The following KIF1B variants were observed in gnomAD, a reference collection of about 807,000 sequenced individuals.
KIF1B encodes the protein kinesin-like protein KIF1B.
A neutral mutation model predicts 241.9 loss-of-function variants in KIF1B; 76 were observed. That is an observed-to-expected ratio of 0.31 (90% confidence interval 0.26 to 0.38). The LOEUF (loss-of-function observed/expected upper bound fraction) is 0.38, where lower values mean the gene tolerates loss of function less well. Among genes scored for constraint, KIF1B ranks in the 10% least tolerant of loss-of-function variants. KIF1B has a pLI of 1.00. For synonymous variants in KIF1B, 750 were observed against 796.7 expected (o/e 0.94, Z 0.99); for missense variants, 1,622 against 2,271.4 (o/e 0.71, Z 5.81).
Position 10,376,574 on chromosome 1 carries a change from A to G in KIF1B, c.5438A>G (p.Gln1813Arg). Residue 1813 changes from glutamine (Q) to arginine (R), a missense_variant, in exon 49 of 49, where the codon CAG (glutamine) becomes CGG (arginine). Around this residue, in one of 7 missense-constraint regions of KIF1B, gnomAD observed 357 missense variants for 409.0 expected, o/e 0.87. Coordinates refer to ENST00000676179, the MANE Select transcript of KIF1B (RefSeq NM_001365951.3). ...RSKLSRRCPS[Q>R]SKY ...AAGCTTTCCCGCAGATGCCCGAGCC[A>G]GTCGAAATACTAAGTGACTCTGCCG... 2 of 1,614,046 alleles carry G rather than the reference A, an allele frequency of 1.2e-6. No individual in the cohort carries two copies. The highest frequency in any genetic ancestry group is 1.7e-6 in the Non-Finnish European group (2 of 1,179,914).
intron 22 of KIF1B, among the ~76,000 whole-genome samples, chr1:10,314,212 T>C (rs1416893973): frequency 6.6e-6 from 1 of 151,314 alleles, no homozygotes; most frequent in African/African-American, 2.5e-5. Context: ...GTGCCTTCCG[T>C]AATTAGTTTT....
At chr1:10,271,616 A>G in intron 8 of KIF1B, 37 bp downstream of exon 8, 3 of 1,308,996 alleles carry the variant, frequency 2.3e-6, no homozygotes, top group Non-Finnish European at 3.3e-6. Flanking sequence ...TGATCAATAA[A>G]TGGCCACTAC....
rs764273512 is a variant in KIF1B at position 10,334,660 on chromosome 1, T to C, written c.3043+22T>C. 2.6e-6 allele frequency: 4 copies of C among 1,549,448 alleles called. No homozygotes were observed. The Admixed American group carries it at 6.7e-5, about 26-fold the overall frequency. ...GCAGGTAGGTGACCCTCTTCTGAAA[T>C]GAGAGCTGTGAGTTCTTTGTCTAGA... On this transcript the variant is annotated intron_variant, in intron 28 of 48. Transcript: ENST00000676179.
At chr1:10,352,438 A>G (rs558394668) in intron 37 of KIF1B, among the ~76,000 whole-genome samples, 193 bp from the exon 38 acceptor site, 10 of 152,238 alleles carry the variant, frequency 6.6e-5, no homozygotes, top group African/African-American at 2.4e-4. Context: ...TTGAATAAAG[A>G]ATCAATATGG....
chr1:10,215,746 A>C (rs1646760166), intron 1 of KIF1B, among the ~76,000 whole-genome samples: 1 of 151,670 alleles, frequency 6.6e-6, no homozygotes, highest in Non-Finnish European at 1.5e-5. Context: ...AGGTCTCACT[A>C]TATTGCCTAT....
intron 27 of KIF1B, among the ~76,000 whole-genome samples, chr1:10,332,221 G>A (rs887140719): frequency 2.0e-5 from 3 of 151,034 alleles, no homozygotes; most frequent in Non-Finnish European, 2.9e-5. Context: ...GCCTGCCACC[G>A]TGCCTGGCTA....
At chr1:10,227,322 C>T (rs564563293) in intron 1 of KIF1B, among the ~76,000 whole-genome samples, 85 of 152,228 alleles carry the variant, frequency 5.6e-4, no homozygotes, top group African/African-American at 1.6e-3. Context: ...CGTGAGCCAC[C>T]GTGCCTGGCC....
In KIF1B at chr1:10,303,626, C is replaced by G. The variant is rs1368994899; in HGVS notation, c.2115+6380C>G. On this transcript the variant is annotated intron_variant, in intron 22 of 48. Coordinates refer to ENST00000676179, the MANE Select transcript of KIF1B (RefSeq NM_001365951.3). This position sits in a 1 kb window ranked among gnomAD's most constrained non-coding sequence, Gnocchi z 5.2. ...GTCATGGCCACTGGGAAAGGCAGCA[C>G]TGATGTAGATGACCTCAAGGTTCAT... 6.2e-7 allele frequency: 1 copy of G among 1,614,110 alleles called. No individual in the cohort carries two copies. Among genetic ancestry groups the G allele is most frequent in the East Asian group, 2.2e-5 (1 of 44,884 alleles).
intron 6 of KIF1B, 36 bp from the exon 7 acceptor site, chr1:10,268,116 T>C (rs1313605016): frequency 2.9e-6 from 4 of 1,398,324 alleles, no homozygotes; most frequent in Non-Finnish European, 4.0e-6. Flanking sequence ...CATCTAAGAA[T>C]TCCCTTGTCA....
At chr1:10,253,047 G>A (rs1647556678) in intron 2 of KIF1B, among the ~76,000 whole-genome samples, 3 of 152,084 alleles carry the variant, frequency 2.0e-5, no homozygotes, top group Admixed American at 6.6e-5. Context: ...TTTAAACAAT[G>A]CCTACAGTGT....
At chr1:10,348,544 C>T in intron 36 of KIF1B, 105 bp from the exon 37 acceptor site, 1 of 815,016 alleles carries the variant, frequency 1.2e-6, no homozygotes, top group Non-Finnish European at 2.1e-6. Flanking sequence ...CCACACCTCT[C>T]CTTCCTGCTC....
chr1:10,335,657 A>G (rs2102313865), intron 28 of KIF1B, among the ~76,000 whole-genome samples: 1 of 150,866 alleles, frequency 6.6e-6, no homozygotes, highest in South Asian at 2.1e-4. Flanking sequence ...TTCTCAGAGT[A>G]CTTGTAATAG....
intron 19 of KIF1B, 42 bp downstream of exon 19, chr1:10,295,808 T>A (rs1173127670): frequency 6.8e-7 from 1 of 1,476,844 alleles, no homozygotes; most frequent in Admixed American, 1.7e-5. Flanking sequence ...ACATTTTCAT[T>A]TTATATTATG....
intron 2 of KIF1B, among the ~76,000 whole-genome samples, chr1:10,239,664 G>C (rs1647106496): frequency 6.6e-6 from 1 of 152,088 alleles, no homozygotes; most frequent in Non-Finnish European, 1.5e-5. Context: ...CTGGAGTGCA[G>C]TGGCACAGTC....
In KIF1B at chr1:10,302,903, C is replaced by T. The variant is rs529301241; in HGVS notation, c.2115+5657C>T. Among the ~76,000 whole-genome samples the T allele has an allele frequency of 3.1e-4, 47 of 152,210 alleles. No homozygotes were observed. In the South Asian group the frequency reaches 3.7e-3, roughly 12 times the overall value. ...TTGGTGGCAAATTTCATCACTTAAGCCAGAAAGTGGAAATTTGGATTAGGG... is the reference window on the plus strand; with the variant it reads ...TTGGTGGCAAATTTCATCACTTAAGTCAGAAAGTGGAAATTTGGATTAGGG... On this transcript the variant is annotated intron_variant, in intron 22 of 48. Transcript: ENST00000676179.
At chr1:10,312,367 AC>A (rs1162956195) in intron 22 of KIF1B, among the ~76,000 whole-genome samples, 4 of 151,470 alleles carry the variant, frequency 2.6e-5, no homozygotes, top group Admixed American at 6.6e-5. Context: ...ACAGTGCTGG[AC>A]AGTGCTGTGA....
At chr1:10,357,747 A>G (rs959411541) in intron 38 of KIF1B, among the ~76,000 whole-genome samples, 2 of 151,654 alleles carry the variant, frequency 1.3e-5, no homozygotes, top group Admixed American at 6.6e-5. Context: ...AGTGGCTCAC[A>G]CCTGTAATCC....
At chr1:10,354,800 A>G (rs1023767100) in intron 38 of KIF1B, among the ~76,000 whole-genome samples, 1 of 152,230 alleles carries the variant, frequency 6.6e-6, no homozygotes, top group African/African-American at 2.4e-5. Context: ...ATCAATCTGT[A>G]TATTTTAGGG....
chr1:10,363,243 C>T lies in KIF1B; in HGVS notation c.4305-40C>T, dbSNP rs1168068774. The T allele has an allele frequency of 3.3e-6, 5 of 1,513,468 alleles. No homozygotes were observed. The Admixed American group carries it at 8.4e-5, about 25-fold the overall frequency. The allele number at this position is 1,513,468 out of a possible 1,614,324, so 93.8% of individuals were successfully genotyped here. A position where few individuals can be genotyped will look rare whatever the true frequency, so the allele number is the denominator to read the frequency against. Reference sequence around the variant, plus strand: ...AAATTGAAATTTTCCTGTTTTTGTGCTTTAAGAGATTAAACAATTGTTTTA... The same window carrying T: ...AAATTGAAATTTTCCTGTTTTTGTGTTTTAAGAGATTAAACAATTGTTTTA... On this transcript the variant is annotated intron_variant, in intron 40 of 48. Transcript: ENST00000676179.
Sources: allele counts gnomAD v4.1 joint callset (sites outside exome capture counted in the v4.1 genomes callset), GRCh38; gene constraint gnomAD v4.1.1; regional missense constraint gnomAD v4.1.1; non-coding constraint Gnocchi (gnomAD v3.1); transcripts MANE v1.5; gene names NCBI Gene and HGNC (gene_info 2026-07-23, HGNC 2026-07-21).